CATSPER3: variants seen among roughly 807,000 people sequenced by gnomAD.
CATSPER3 encodes the protein cation channel sperm associated 3, also known as cation channel sperm-associated protein 3.
CATSPER3 carries 23 observed loss-of-function variants against 36.6 expected under a neutral mutation model. That is an observed-to-expected ratio of 0.63 (90% CI 0.45 to 0.89). CATSPER3 has a LOEUF of 0.89. Ranked by LOEUF, CATSPER3 falls within the 40% of genes least tolerant of loss-of-function variation. The probability of loss-of-function intolerance (pLI) is 0.00; values close to 1 mark genes in which losing one functional copy is unlikely to be tolerated. For synonymous variants in CATSPER3, 172 were observed against 184.1 expected, an observed-to-expected ratio of 0.93 and a Z score of 0.53; for missense variants, 474 against 503.9, an observed-to-expected ratio of 0.94 and a Z score of 0.57.
chr5:134,986,806 C>T (rs75164799), intron 2 of CATSPER3, among the ~76,000 whole-genome samples: 1,698 of 151,902 alleles, frequency 0.011, 20 homozygotes, highest in Non-Finnish European at 0.016. Flanking sequence ...AAATCACAAG[C>T]GAAATTAGAA....
intron 2 of CATSPER3, among the ~76,000 whole-genome samples, chr5:134,985,375 G>A (rs299361): frequency 0.84 from 128,006 of 152,132 alleles, 54,039 homozygotes; most frequent in Middle Eastern, 0.89. Flanking sequence ...GAGCTAAACT[G>A]TGGGTATGCA....
intron 2 of CATSPER3, among the ~76,000 whole-genome samples, chr5:134,990,205 T>A (rs945439619): frequency 6.6e-6 from 1 of 152,162 alleles, no homozygotes; most frequent in Non-Finnish European, 1.5e-5. Flanking sequence ...TGACACAGCC[T>A]CAGGAGGTCC....
intron 3 of CATSPER3, among the ~76,000 whole-genome samples, chr5:134,999,048 T>G (rs1262080629): frequency 6.6e-6 from 1 of 152,212 alleles, no homozygotes; most frequent in Non-Finnish European, 1.5e-5. Flanking sequence ...TGGTTTTAGG[T>G]CTAGCATTTA....
intron 3 of CATSPER3, among the ~76,000 whole-genome samples, chr5:134,999,377 G>A (rs1461482558): frequency 2.6e-5 from 4 of 152,164 alleles, no homozygotes; most frequent in Non-Finnish European, 5.9e-5. Flanking sequence ...GCTTAGGATT[G>A]TCTTGGCAAT....
intron 3 of CATSPER3, among the ~76,000 whole-genome samples, chr5:134,998,793 T>C (rs1751984258): frequency 6.6e-6 from 1 of 151,738 alleles, no homozygotes; most frequent in Admixed American, 6.6e-5. Context: ...AAATTTAAGT[T>C]CTTTGAGATT....
Position 135,011,573 on chromosome 5 carries a change from G to C in CATSPER3, c.1147G>C (p.Asp383His), listed in dbSNP as rs1047538400. ...GCATGTGCTGAGCCTAATGCTGGAA[G>C]ACTTGCCCCAGGAGAAGCCCCAGTC... ...IVHVLSLMLE[D>H]LPQEKPQSLE... Residue 383 changes from aspartate (D) to histidine (H), a missense_variant, in exon 8 of 8, where the codon GAC becomes CAC. Physicochemically the swap from Asp to His is moderately conservative, Grantham distance 81. Transcript: ENST00000282611. 6.2e-7 allele frequency: 1 copy of C among 1,614,028 alleles called. No homozygotes were observed. The highest frequency in any genetic ancestry group is 1.3e-5 in the African/African-American group (1 of 74,936).
chr5:134,995,068 T>C (rs1751928031), intron 2 of CATSPER3, among the ~76,000 whole-genome samples: 1 of 152,010 alleles, frequency 6.6e-6, no homozygotes, highest in Admixed American at 6.6e-5. Context: ...TGTACATATT[T>C]TGGGCTACTT....
chr5:134,990,430 G>A (rs1751864724), intron 2 of CATSPER3, among the ~76,000 whole-genome samples: 1 of 152,178 alleles, frequency 6.6e-6, no homozygotes, highest in Non-Finnish European at 1.5e-5. Context: ...GTGGCAATCA[G>A]ATATGCATTT....
At chr5:134,989,701 A>G (rs182565373) in intron 2 of CATSPER3, among the ~76,000 whole-genome samples, 85 of 152,332 alleles carry the variant, frequency 5.6e-4, no homozygotes, top group African/African-American at 1.9e-3. Flanking sequence ...ACAGACTGCC[A>G]AAACTTTCTC....
chr5:134,977,204 G>A (rs1487544395), intron 2 of CATSPER3, among the ~76,000 whole-genome samples: 1 of 152,156 alleles, frequency 6.6e-6, no homozygotes, highest in Admixed American at 6.5e-5. Context: ...CTGGCAAATG[G>A]CGAGTCTGCA....
At chr5:135,005,391 C>G (rs1389092075) in intron 3 of CATSPER3, among the ~76,000 whole-genome samples, 1 of 152,172 alleles carries the variant, frequency 6.6e-6, no homozygotes, top group Non-Finnish European at 1.5e-5. Flanking sequence ...GGCCTTGCAT[C>G]CTAGAGTGAT....
rs184824434 is a variant in CATSPER3 at position 135,003,341 on chromosome 5, T to C, written c.493-4616T>C. Among the ~76,000 whole-genome samples, 179 of 152,320 alleles carry C rather than the reference T, an allele frequency of 1.2e-3. 1 individual carries two copies. Among genetic ancestry groups the C allele is most frequent in the Middle Eastern group, 3.4e-3 (1 of 294 alleles). Reference sequence around the variant, plus strand: ...TTCATCTCAGAGGGGCACCCGGCCATGTGAGGTGTCAGTCTGCCCCTACTT... The same window carrying C: ...TTCATCTCAGAGGGGCACCCGGCCACGTGAGGTGTCAGTCTGCCCCTACTT... On this transcript the variant is annotated intron_variant, in intron 3 of 7. Coordinates refer to ENST00000282611, the MANE Select transcript of CATSPER3 (RefSeq NM_178019.3).
Position 134,967,955 on chromosome 5 carries a change from T to C in CATSPER3, c.-37T>C, listed in dbSNP as rs1243828398. ...CCCTAAGCAGAGATTTTCTGTTGGA[T>C]GCTAAAAGCAAGGAATAAAAGTTGA... On this transcript the variant is annotated 5_prime_UTR_variant, in exon 1 of 8. It removes an upstream start codon present in the reference 5' UTR. Coordinates refer to ENST00000282611, the MANE Select transcript of CATSPER3 (RefSeq NM_178019.3). 6.8e-7 allele frequency: 1 copy of C among 1,473,768 alleles called. No individual in the cohort carries two copies. The highest frequency in any genetic ancestry group is 2.3e-5 in the East Asian group (1 of 44,240). 91.3% of individuals were successfully genotyped at this position (1,473,768 alleles called of 1,614,324 possible).
intron 2 of CATSPER3, among the ~76,000 whole-genome samples, chr5:134,972,003 T>C (rs1751612910): frequency 1.3e-5 from 2 of 152,134 alleles, no homozygotes; most frequent in Admixed American, 1.3e-4. Context: ...TTGATGCTGC[T>C]ATAGTTGTGT....
intron 5 of CATSPER3, among the ~76,000 whole-genome samples, 179 bp from the exon 6 acceptor site, chr5:135,009,192 G>A (rs976580011): frequency 6.6e-6 from 1 of 152,210 alleles, no homozygotes; most frequent in African/African-American, 2.4e-5. Context: ...TCAACAGGAC[G>A]GTGGGGCTTA....
In CATSPER3 at chr5:135,010,525, C is replaced by T; in HGVS notation, c.1089C>T (p.Val363=). The change falls in exon 7 of 8, where the codon GTC becomes GTT. Residue 363 remains valine (V), a synonymous_variant. Coordinates refer to ENST00000282611, the MANE Select transcript of CATSPER3 (RefSeq NM_178019.3). The part of the protein sequence containing the change: ...FSTLDYQDTT[V]HKLQELYYEI... ...CTCTGGACTACCAGGACACAACTGT[C>T]CACAAGTCAGTTCCAGCCCCAGCCT... 8 of 1,614,086 alleles carry T rather than the reference C, an allele frequency of 5.0e-6. No individual in the cohort carries two copies. The highest frequency in any genetic ancestry group is 6.8e-6 in the Non-Finnish European group (8 of 1,179,914).
chr5:134,983,843 A>C (rs1421877588), intron 2 of CATSPER3, among the ~76,000 whole-genome samples: 1 of 152,234 alleles, frequency 6.6e-6, no homozygotes, highest in Middle Eastern at 3.2e-3. Flanking sequence ...AATCCTAAGC[A>C]AAAAGAAAAA....
Position 134,970,032 on chromosome 5 carries a change from G to GT in CATSPER3, c.198dup (p.Met67TyrfsTer8), listed in dbSNP as rs755971687. 4 of 1,614,054 alleles carry GT rather than the reference G, an allele frequency of 2.5e-6. No individual in the cohort carries two copies. Among genetic ancestry groups the GT allele is most frequent in the Non-Finnish European group, 3.4e-6 (4 of 1,180,002 alleles). ...TGATTAGCACTGTCACATCGAATGCGTTTTTTATGGCCTTGTGGACCAGTT... is the reference window on the plus strand; with the variant it reads ...TGATTAGCACTGTCACATCGAATGCGTTTTTTTATGGCCTTGTGGACCAGTT... On this transcript the variant is annotated frameshift_variant, in exon 2 of 8. Transcript: ENST00000282611. LOFTEE classifies it high-confidence loss of function.
intron 2 of CATSPER3, among the ~76,000 whole-genome samples, chr5:134,970,700 T>C (rs1357697620): frequency 6.6e-6 from 1 of 150,998 alleles, no homozygotes; most frequent in Non-Finnish European, 1.5e-5. Context: ...GCCGACTGAG[T>C]AGCTGGGATC....
Sources: allele counts gnomAD v4.1 joint callset (sites outside exome capture counted in the v4.1 genomes callset), GRCh38; gene constraint gnomAD v4.1.1; transcripts MANE v1.5; gene names NCBI Gene and HGNC (gene_info 2026-07-23, HGNC 2026-07-21).